The following SLC35F1 variants were observed in gnomAD, a reference collection of about 807,000 sequenced individuals.
SLC35F1 encodes the protein solute carrier family 35 member F1, also known as chromosome 6 open reading frame 169.
A neutral mutation model predicts 48.7 loss-of-function variants in SLC35F1; 14 were observed. The observed-to-expected ratio is 0.29, with a 90% CI of 0.19 to 0.45. The LOEUF is 0.45. Among genes scored for constraint, SLC35F1 ranks in the 20% least tolerant of loss-of-function variants. The pLI, the probability that SLC35F1 is intolerant of heterozygous loss-of-function variation, is 1.00. For missense variants in SLC35F1, 404 were observed against 500.0 expected, an observed-to-expected ratio of 0.81 and a Z score of 1.83; for synonymous variants, 190 against 202.2, an observed-to-expected ratio of 0.94 and a Z score of 0.51.
intron 1 of SLC35F1, among the ~76,000 whole-genome samples, chr6:118,001,234 A>T (rs1777089288): frequency 6.6e-6 from 1 of 152,232 alleles, no homozygotes; most frequent in Non-Finnish European, 1.5e-5. Context: ...ACAGCATGGT[A>T]CTTGTTTCAA....
intron 1 of SLC35F1, among the ~76,000 whole-genome samples, chr6:118,079,172 T>C (rs749733237): frequency 7.9e-5 from 12 of 152,108 alleles, no homozygotes; most frequent in African/African-American, 2.9e-4. Context: ...AAACAGAAAC[T>C]CTGTAAATAT....
intron 1 of SLC35F1, among the ~76,000 whole-genome samples, chr6:118,134,538 A>G (rs910488220): frequency 6.6e-6 from 1 of 152,196 alleles, no homozygotes; most frequent in Non-Finnish European, 1.5e-5. Context: ...GTCCTAGAAT[A>G]ACACCATGCA....
At chr6:117,970,981 C>G (rs1040908377) in intron 1 of SLC35F1, among the ~76,000 whole-genome samples, 4 of 152,182 alleles carry the variant, frequency 2.6e-5, no homozygotes, top group Non-Finnish European at 5.9e-5. Context: ...CATGCCTTCT[C>G]AATAGTCTCC....
chr6:117,998,868 A>C (rs1777041298), intron 1 of SLC35F1: 1 of 621,652 alleles, frequency 1.6e-6, no homozygotes, highest in Non-Finnish European at 2.9e-6. Flanking sequence ...TAAAAGAACT[A>C]GAAAAGCAAG....
At chr6:117,966,217 G>A (rs115692730) in intron 1 of SLC35F1, among the ~76,000 whole-genome samples, 1,561 of 141,988 alleles carry the variant, frequency 0.011, 27 homozygotes, top group African/African-American at 0.04. Flanking sequence ...TTGTTCTTTC[G>A]CACTTCGCAA....
intron 1 of SLC35F1, among the ~76,000 whole-genome samples, chr6:118,069,400 G>A (rs1464596502): frequency 6.6e-6 from 1 of 152,124 alleles, no homozygotes; most frequent in Non-Finnish European, 1.5e-5. Flanking sequence ...ACCAGTATTT[G>A]CTTGAATATG....
At chr6:118,034,246 A>C (rs1012132992) in intron 1 of SLC35F1, among the ~76,000 whole-genome samples, 1 of 152,102 alleles carries the variant, frequency 6.6e-6, no homozygotes, top group African/African-American at 2.4e-5. Context: ...AGCATACAAA[A>C]ATATGTTCAG....
intron 2 of SLC35F1, among the ~76,000 whole-genome samples, chr6:118,200,676 C>A (rs1361854817): frequency 6.6e-6 from 1 of 151,986 alleles, no homozygotes; most frequent in African/African-American, 2.4e-5. Context: ...TCTGTTATAC[C>A]CCAGTGTGTT....
chr6:117,960,949 A>G (rs1279254228), intron 1 of SLC35F1, among the ~76,000 whole-genome samples: 4 of 152,174 alleles, frequency 2.6e-5, no homozygotes, highest in Admixed American at 2.6e-4. Context: ...CATGTGCCAT[A>G]TGATACCCTG....
At chr6:117,965,538 G>A (rs1041400840) in intron 1 of SLC35F1, among the ~76,000 whole-genome samples, 10 of 152,180 alleles carry the variant, frequency 6.6e-5, no homozygotes, top group African/African-American at 2.4e-4. Context: ...TAGGGAGGAA[G>A]AGCACCCGTC....
At chr6:118,025,536 T>A (rs942375103) in intron 1 of SLC35F1, among the ~76,000 whole-genome samples, 2 of 152,168 alleles carry the variant, frequency 1.3e-5, no homozygotes, top group African/African-American at 4.8e-5. Context: ...CAGTCCACAA[T>A]TGAGTGGGGA....
At chr6:118,247,676 T>TTGAATCCAGAAAGTATTA (rs1775525962) in intron 3 of SLC35F1, among the ~76,000 whole-genome samples, 4 of 147,722 alleles carry the variant, frequency 2.7e-5, no homozygotes, top group African/African-American at 1.1e-4. Context: ...AGTGAAACAC[T>TTGAATCCAGAAAGTATTA]TCTGTAGTCC....
intron 7 of SLC35F1, among the ~76,000 whole-genome samples, chr6:118,309,536 C>G (rs891592165): frequency 5.9e-5 from 9 of 152,132 alleles, no homozygotes; most frequent in Admixed American, 4.6e-4. Context: ...CTCTGCTGAC[C>G]TCTGCCATGT....
chr6:118,127,103 T>C (rs1188559837), intron 1 of SLC35F1, among the ~76,000 whole-genome samples: 1 of 149,584 alleles, frequency 6.7e-6, no homozygotes, highest in Non-Finnish European at 1.5e-5. Flanking sequence ...TTCAGTATGA[T>C]ATTGGCTGTG....
chr6:118,265,170 A>G (rs1439514963), intron 3 of SLC35F1, among the ~76,000 whole-genome samples: 1 of 152,204 alleles, frequency 6.6e-6, no homozygotes, highest in African/African-American at 2.4e-5. Context: ...AGCTTTGGGG[A>G]TAGAGGGGAT....
chr6:118,015,402 C>A (rs1191696259), intron 1 of SLC35F1, among the ~76,000 whole-genome samples: 1 of 151,836 alleles, frequency 6.6e-6, no homozygotes, highest in African/African-American at 2.4e-5. Context: ...AGGTAATAAG[C>A]CTAGTACCCA....
At chr6:118,048,186 A>G (rs375344922) in intron 1 of SLC35F1, among the ~76,000 whole-genome samples, 1 of 152,156 alleles carries the variant, frequency 6.6e-6, no homozygotes, top group African/African-American at 2.4e-5. Context: ...GATTACATTT[A>G]TTGATTTGCG....
chr6:118,213,356 G>T (rs548822350), intron 2 of SLC35F1, among the ~76,000 whole-genome samples: 2 of 152,136 alleles, frequency 1.3e-5, no homozygotes, highest in Non-Finnish European at 2.9e-5. Context: ...GATGTGTCCC[G>T]TTTGTGTTAG....
At chr6:118,129,976 A>G (rs190677398) in intron 1 of SLC35F1, among the ~76,000 whole-genome samples, 3 of 152,330 alleles carry the variant, frequency 2.0e-5, no homozygotes, top group African/African-American at 7.2e-5. Flanking sequence ...AGATGTATCA[A>G]CTGTCAGTCT....
Sources: allele counts gnomAD v4.1 joint callset (sites outside exome capture counted in the v4.1 genomes callset), GRCh38; gene constraint gnomAD v4.1.1; transcripts MANE v1.5; gene names NCBI Gene and HGNC (gene_info 2026-07-23, HGNC 2026-07-21).